RNF138: variants seen among roughly 807,000 people sequenced by gnomAD.
RNF138 encodes the protein E3 ubiquitin-protein ligase RNF138.
A neutral mutation model predicts 31.0 loss-of-function variants in RNF138; 12 were observed. The ratio of observed to expected loss-of-function variants is 0.39; its 90% CI spans 0.25 to 0.63. The LOEUF is 0.63. RNF138 is among the 20% of genes least tolerant of loss of function. The pLI, the probability that RNF138 is intolerant of heterozygous loss-of-function variation, is 0.52. For synonymous variants in RNF138, 105 were observed against 99.5 expected (o/e 1.06, Z -0.33); for missense variants, 192 against 300.1 (o/e 0.64, Z 2.66).
chr18:32,117,416 G>A (rs575822898), intron 4 of RNF138, among the ~76,000 whole-genome samples: 1 of 152,234 alleles, frequency 6.6e-6, no homozygotes, highest in African/African-American at 2.4e-5. Context: ...CAGGAGAGAG[G>A]AGGAAATAGA....
Position 32,123,520 on chromosome 18 carries a change from A to G in RNF138, c.395A>G (p.Asn132Ser). The stretch of plus-strand genomic sequence containing the variant: ...CTTTTTCCCCTGTGCTTCTTAAGCA[A>G]TAGGAGTGAAACATCCACATCTGAT... Reference protein sequence around the residue: ...QISQDSVGNSNRSETSTSDNT... With the variant: ...QISQDSVGNSSRSETSTSDNT... The change falls in exon 5 of 8, where the codon AAT becomes AGT. Residue 132 changes from asparagine (N) to serine (S), a missense_variant and splice_region_variant. By Grantham distance (46) the Asn-to-Ser change is conservative (BLOSUM62 1). Around this residue, in one of 2 missense-constraint regions of RNF138, gnomAD observed 140 missense variants for 251.7 expected, o/e 0.56. Coordinates refer to ENST00000261593, the MANE Select transcript of RNF138 (RefSeq NM_016271.5). 6.3e-7 allele frequency: 1 copy of G among 1,582,334 alleles called. No homozygotes were observed. The highest frequency in any genetic ancestry group is 1.2e-5 in the South Asian group (1 of 85,768).
At position 32,129,812 on chromosome 18, in the gene RNF138, G is replaced by C. The variant is rs546355774; in HGVS notation, c.*625G>C. The C allele has an allele frequency of 2.6e-5, 4 of 152,462 alleles. No homozygotes were observed. The highest frequency in any genetic ancestry group is 2.6e-4 in the Admixed American group (4 of 15,274). 9.4% of individuals were successfully genotyped at this position (152,462 alleles called of 1,614,324 possible). ...CTTGTTGTAAAGATATTTTCTTTTT[G>C]TTATTAGAAGGAAATACAAAGAGAA... On this transcript the variant is annotated 3_prime_UTR_variant, in exon 8 of 8. Coordinates refer to ENST00000261593, the MANE Select transcript of RNF138 (RefSeq NM_016271.5).
intron 2 of RNF138, among the ~76,000 whole-genome samples, chr18:32,097,669 G>A (rs1240102269): frequency 1.3e-5 from 2 of 151,738 alleles, no homozygotes; most frequent in East Asian, 3.9e-4. Flanking sequence ...CACCATGCTC[G>A]GCTAATTTTT....
At chr18:32,123,983 CA>C (rs2040347761) in intron 5 of RNF138, 1 of 143,816 alleles carries the variant, frequency 7.0e-6, no homozygotes, top group Non-Finnish European at 1.5e-5. Context: ...AAAAAAAAAT[CA>C]GTTACATCAT....
chr18:32,115,527 T>C (rs1436882312), intron 4 of RNF138, among the ~76,000 whole-genome samples: 1 of 152,122 alleles, frequency 6.6e-6, no homozygotes, highest in Non-Finnish European at 1.5e-5. Flanking sequence ...GGCAGATCAC[T>C]TGAGGTCAGG....
intron 3 of RNF138, among the ~76,000 whole-genome samples, chr18:32,112,745 A>G (rs1256498962): frequency 6.6e-6 from 1 of 152,222 alleles, no homozygotes; most frequent in Non-Finnish European, 1.5e-5. Context: ...ATGTAGGAAA[A>G]TCAGGTGTTA....
At chr18:32,101,369 C>T (rs767999453) in intron 2 of RNF138, among the ~76,000 whole-genome samples, 11 of 151,850 alleles carry the variant, frequency 7.2e-5, no homozygotes, top group Non-Finnish European at 1.5e-4. Flanking sequence ...CAGGCGTGCA[C>T]CACCACTCCT....
At chr18:32,121,804 A>C (rs1017506619) in intron 4 of RNF138, among the ~76,000 whole-genome samples, 1 of 152,150 alleles carries the variant, frequency 6.6e-6, no homozygotes, top group Non-Finnish European at 1.5e-5. Context: ...ATTTGACTTT[A>C]TTTTAAAGAG....
intron 2 of RNF138, among the ~76,000 whole-genome samples, chr18:32,104,397 T>C (rs1275698253): frequency 6.6e-6 from 1 of 152,196 alleles, no homozygotes. Flanking sequence ...CTTTAGGTGC[T>C]TTTCTAGTTA....
At chr18:32,110,471 G>T (rs183788907) in intron 2 of RNF138, among the ~76,000 whole-genome samples, 22 of 152,210 alleles carry the variant, frequency 1.4e-4, no homozygotes, top group Non-Finnish European at 1.0e-4. Flanking sequence ...TTATTATTTC[G>T]TGAGTGAGGA....
intron 4 of RNF138, among the ~76,000 whole-genome samples, chr18:32,117,436 C>A (rs2040235601): frequency 1.3e-5 from 2 of 151,960 alleles, no homozygotes; most frequent in Non-Finnish European, 2.9e-5. Flanking sequence ...ATAACAGAAC[C>A]TGAAGAAGAG....
At chr18:32,094,266 C>G (rs560749035) in intron 2 of RNF138, among the ~76,000 whole-genome samples, 7 of 150,210 alleles carry the variant, frequency 4.7e-5, no homozygotes, top group East Asian at 2.0e-4. Flanking sequence ...ATTTTTGGTT[C>G]TTAATTGCAA....
chr18:32,092,532 C>A (rs2039711675), intron 1 of RNF138, 168 bp from the exon 2 acceptor site: 1 of 500,134 alleles, frequency 2.0e-6, no homozygotes, highest in South Asian at 2.3e-5. Context: ...CAAGCACCGT[C>A]CCCCATCCAG....
intron 4 of RNF138, chr18:32,122,446 T>C (rs2040321751): frequency 1.3e-5 from 2 of 149,582 alleles, no homozygotes; most frequent in African/African-American, 4.8e-5. Context: ...AGAACCAACC[T>C]GTATTGTACA....
intron 2 of RNF138, among the ~76,000 whole-genome samples, chr18:32,109,063 T>C (rs2040082715): frequency 2.0e-5 from 3 of 152,218 alleles, no homozygotes; most frequent in Non-Finnish European, 1.5e-5. Flanking sequence ...TGTAAAAGTT[T>C]ATACTCCCAT....
At chr18:32,128,885 CTGTTTGTT>C (rs149002606) in intron 7 of RNF138, among the ~76,000 whole-genome samples, 1 of 152,046 alleles carries the variant, frequency 6.6e-6, no homozygotes, top group African/African-American at 2.4e-5. Flanking sequence ...ATGATCCTCT[CTGTTTGTT>C]TGTTATTCTT....
At chr18:32,100,961 T>C (rs1318499415) in intron 2 of RNF138, among the ~76,000 whole-genome samples, 3 of 152,126 alleles carry the variant, frequency 2.0e-5, no homozygotes, top group African/African-American at 7.2e-5. Context: ...TACAAATGTA[T>C]AGGTTTCGAG....
At chr18:32,100,155 AATAG>A (rs774153957) in intron 2 of RNF138, among the ~76,000 whole-genome samples, 6 of 152,062 alleles carry the variant, frequency 3.9e-5, no homozygotes, top group Admixed American at 6.6e-5. Context: ...GTAAAGAGCA[AATAG>A]ATAGGATCCC....
intron 7 of RNF138, 47 bp downstream of exon 7, chr18:32,126,847 G>A (rs1176311928): frequency 2.5e-6 from 3 of 1,191,954 alleles, no homozygotes; most frequent in Admixed American, 1.8e-5. Context: ...AAATATTAAA[G>A]TTAAAATAAC....
Sources: allele counts gnomAD v4.1 joint callset (sites outside exome capture counted in the v4.1 genomes callset), GRCh38; gene constraint gnomAD v4.1.1; regional missense constraint gnomAD v4.1.1; transcripts MANE v1.5; gene names NCBI Gene and HGNC (gene_info 2026-07-23, HGNC 2026-07-21).